Variants in CENPU observed in about 807,000 individuals in gnomAD.
CENPU encodes the protein centromere protein U.
Under a neutral mutation model 56.7 loss-of-function variants are expected in CENPU, and 46 were observed. The observed-to-expected ratio is 0.81, with a 90% CI of 0.64 to 1.04. The LOEUF (loss-of-function observed/expected upper bound fraction) is 1.04. Ranked by LOEUF, CENPU falls within the 50% of genes least tolerant of loss-of-function variation. The probability of loss-of-function intolerance (pLI) is 0.00; values close to 1 mark genes in which losing one functional copy is unlikely to be tolerated. For synonymous variants in CENPU, 166 were observed against 163.0 expected, an observed-to-expected ratio of 1.02 and a Z score of -0.14; for missense variants, 510 against 490.1, an observed-to-expected ratio of 1.04 and a Z score of -0.38.
At chr4:184,729,074 A>C in intron 2 of CENPU, 39 bp from the exon 3 acceptor site, 2 of 1,441,572 alleles carry the variant, frequency 1.4e-6, no homozygotes, top group Non-Finnish European at 2.0e-6. Context: ...GTTGGCTCTC[A>C]CAAAGAACAA....
chr4:184,706,846 A>T (rs1004186747), intron 8 of CENPU, among the ~76,000 whole-genome samples: 1 of 152,244 alleles, frequency 6.6e-6, no homozygotes, highest in Admixed American at 6.5e-5. Flanking sequence ...ATCATTTCTT[A>T]TATCAAGAAC....
chr4:184,706,915 G>A (rs1314530824), intron 8 of CENPU, among the ~76,000 whole-genome samples: 4 of 151,516 alleles, frequency 2.6e-5, no homozygotes, highest in African/African-American at 9.8e-5. Flanking sequence ...CCCACTGGGT[G>A]GTAAGTTCTT....
intron 11 of CENPU, among the ~76,000 whole-genome samples, chr4:184,698,537 G>A (rs1350064820): frequency 3.9e-5 from 6 of 151,948 alleles, no homozygotes; most frequent in East Asian, 1.9e-4. Context: ...TGCAACCTCC[G>A]CCTCCCAGGT....
At chr4:184,732,658 T>C (rs1761691043) in intron 1 of CENPU, among the ~76,000 whole-genome samples, 1 of 152,198 alleles carries the variant, frequency 6.6e-6, no homozygotes, top group South Asian at 2.1e-4. Context: ...TGCCTTACGC[T>C]GGAGTCAAGG....
In CENPU at chr4:184,713,013, T is replaced by C; in HGVS notation, c.619A>G (p.Lys207Glu). The change falls in exon 7 of 13, where the codon AAA becomes GAA. Residue 207 changes from lysine (K) to glutamate (E), a missense_variant and splice_region_variant. Physicochemically the swap from Lys to Glu is moderately conservative, Grantham distance 56 (BLOSUM62 1). Transcript: ENST00000281453. ...GATATCTTCCCTTTTTTCTGAGTTT[T>C]CTACAAAAAAAAAAAGCATTAAGTT... The part of the protein sequence containing the change: ...KENLAIESQS[K>E]TQKKGKISHD... 6.4e-7 allele frequency: 1 copy of C among 1,550,566 alleles called. No individual in the cohort carries two copies. Among genetic ancestry groups the C allele is most frequent in the Non-Finnish European group, 8.7e-7 (1 of 1,144,180 alleles).
At position 184,702,136 on chromosome 4, in the gene CENPU, G is replaced by T; in HGVS notation, c.877C>A (p.Leu293Ile). The T allele has an allele frequency of 6.2e-7, 1 of 1,605,148 alleles. No homozygotes were observed. Among genetic ancestry groups the T allele is most frequent in the Non-Finnish European group, 8.5e-7 (1 of 1,173,660 alleles). ...TTTGTCAACATCTGGCTTTCTTTAA[G>T]CTACACAAAACAAAAAATACACATG... is the stretch of plus-strand genomic sequence containing the variant. ...VNVKEQFIKM[L>I]KESQMLTNLK... The change falls in exon 10 of 13, where the codon CTT (leucine) becomes ATT (isoleucine). Residue 293 changes from leucine to isoleucine, a missense_variant and splice_region_variant. Physicochemically the swap from Leu to Ile is conservative, Grantham distance 5. Coordinates refer to ENST00000281453, the MANE Select transcript of CENPU (RefSeq NM_024629.4).
intron 4 of CENPU, among the ~76,000 whole-genome samples, chr4:184,720,229 G>A (rs1003815318): frequency 6.6e-6 from 1 of 152,086 alleles, no homozygotes; most frequent in East Asian, 1.9e-4. Flanking sequence ...GTTGAAAAAT[G>A]TAACGGACAT....
intron 4 of CENPU, 111 bp from the exon 5 acceptor site, chr4:184,717,307 T>C: frequency 2.5e-6 from 2 of 789,266 alleles, no homozygotes; most frequent in Non-Finnish European, 4.2e-6. Context: ...TGAGGAAATA[T>C]CCTATTTGTC....
chr4:184,696,196 A>G (rs1396707222), intron 12 of CENPU, among the ~76,000 whole-genome samples: 1 of 152,206 alleles, frequency 6.6e-6, no homozygotes, highest in African/African-American at 2.4e-5. Context: ...TTATACAAAT[A>G]TTTGACAAAC....
chr4:184,700,775 C>A (rs1301155951), intron 11 of CENPU, 45 bp downstream of exon 11: 2 of 1,514,804 alleles, frequency 1.3e-6, no homozygotes, highest in African/African-American at 2.7e-5. Context: ...ACCATCATTA[C>A]ATCCTTTTAG....
Position 184,716,400 on chromosome 4 carries a change from T to C in CENPU, c.615A>G (p.Gln205=), listed in dbSNP as rs756650883. 6.2e-7 allele frequency: 1 copy of C among 1,612,476 alleles called. No individual in the cohort carries two copies. The highest frequency in any genetic ancestry group is 8.5e-7 in the Non-Finnish European group (1 of 1,179,036). ...AGGGGATGGCAGACGTTCTTACCGA[T>C]TGACTTTCTATTGCCAAGTTCTCTT... ...VEKENLAIES[Q]SKTQKKGKIS... is the part of the protein sequence containing the mutation. Residue 205 remains glutamine, a synonymous_variant, in exon 6 of 13, where the codon CAA becomes CAG. Coordinates refer to ENST00000281453, the MANE Select transcript of CENPU (RefSeq NM_024629.4).
intron 3 of CENPU, among the ~76,000 whole-genome samples, chr4:184,728,374 G>C (rs912983651): frequency 3.9e-5 from 6 of 152,176 alleles, no homozygotes; most frequent in Non-Finnish European, 7.3e-5. Flanking sequence ...CTAGATGTGG[G>C]GACACATGGC....
intron 5 of CENPU, 125 bp downstream of exon 5, chr4:184,717,011 G>T: frequency 1.5e-6 from 1 of 665,736 alleles, no homozygotes. Flanking sequence ...TGGTGCTACG[G>T]AATGTTTTCT....
chr4:184,713,116 C>T, intron 6 of CENPU, 103 bp from the exon 7 acceptor site: 1 of 717,048 alleles, frequency 1.4e-6, no homozygotes, highest in Non-Finnish European at 2.3e-6. Flanking sequence ...TTTAGCTGCG[C>T]ACAGTGGCAC....
chr4:184,732,379 G>C (rs575230459), intron 1 of CENPU, among the ~76,000 whole-genome samples: 8 of 152,296 alleles, frequency 5.3e-5, no homozygotes, highest in African/African-American at 1.9e-4. Context: ...TCCCTCTGGG[G>C]TGAGGTCTGG....
chr4:184,714,426 C>G (rs1761023881), intron 6 of CENPU, among the ~76,000 whole-genome samples: 1 of 152,090 alleles, frequency 6.6e-6, no homozygotes, highest in East Asian at 1.9e-4. Context: ...ATGACAATAC[C>G]GTAAGGTTAG....
At chr4:184,733,241 A>C (rs531726091) in intron 1 of CENPU, 56 of 887,112 alleles carry the variant, frequency 6.3e-5, no homozygotes, top group Non-Finnish European at 7.2e-5. Context: ...CGGTTTCCCC[A>C]CCCACCTGCG....
At chr4:184,733,931 C>A in intron 1 of CENPU, 85 bp downstream of exon 1, 1 of 1,575,742 alleles carries the variant, frequency 6.3e-7, no homozygotes, top group Non-Finnish European at 8.7e-7. Flanking sequence ...GCACCAACAG[C>A]GCCGGGAGGC....
At chr4:184,725,356 A>C (rs925247968) in intron 3 of CENPU, among the ~76,000 whole-genome samples, 1 of 152,206 alleles carries the variant, frequency 6.6e-6, no homozygotes, top group Non-Finnish European at 1.5e-5. Flanking sequence ...CCCAGCCTGG[A>C]GTGCAGTAGT....
Sources: gnomAD v4.1 joint callset for allele counts (sites outside exome capture counted in the v4.1 genomes callset) on GRCh38, gnomAD v4.1.1 for gene constraint, MANE v1.5 for transcripts, NCBI Gene and HGNC (gene_info 2026-07-23, HGNC 2026-07-21) for gene names.